ANXA13: variants seen among roughly 807,000 people sequenced by gnomAD.
ANXA13 encodes the protein annexin A13.
ANXA13 carries 36 observed loss-of-function variants against 46.6 expected under a neutral mutation model. The ratio of observed to expected loss-of-function variants is 0.77; its 90% CI spans 0.59 to 1.02. The LOEUF (loss-of-function observed/expected upper bound fraction) is 1.02, where lower values mean the gene tolerates loss of function less well. ANXA13 is among the 50% of genes least tolerant of loss of function. ANXA13 has a pLI of 0.00. For synonymous variants in ANXA13, 163 were observed against 152.9 expected (o/e 1.07, Z -0.49); for missense variants, 417 against 396.5 (o/e 1.05, Z -0.44).
chr8:123,698,826 A>T (rs1371872431), intron 3 of ANXA13, among the ~76,000 whole-genome samples: 1 of 152,230 alleles, frequency 6.6e-6, no homozygotes, highest in Non-Finnish European at 1.5e-5. Context: ...TCTGTGGAAC[A>T]TTTGAGAGCT....
At chr8:123,689,085 G>T in intron 8 of ANXA13, 139 bp from the exon 9 acceptor site, 1 of 750,118 alleles carries the variant, frequency 1.3e-6, no homozygotes, top group South Asian at 1.6e-5. Flanking sequence ...CCTGACTCTT[G>T]CCTTGTAGGA....
chr8:123,725,913 A>G (rs111877569), intron 1 of ANXA13, among the ~76,000 whole-genome samples: 2,262 of 152,254 alleles, frequency 0.015, 49 homozygotes, highest in African/African-American at 0.052. Context: ...AGCTCTGCCC[A>G]CCTTAGTAGG....
chr8:123,709,607 C>T (rs1295651814), intron 2 of ANXA13, among the ~76,000 whole-genome samples: 3 of 152,100 alleles, frequency 2.0e-5, no homozygotes, highest in Non-Finnish European at 4.4e-5. Flanking sequence ...CTTAGTGTCC[C>T]AATAATGGAA....
intron 4 of ANXA13, among the ~76,000 whole-genome samples, chr8:123,696,156 T>C (rs1813332938): frequency 1.3e-5 from 2 of 152,270 alleles, no homozygotes; most frequent in South Asian, 4.2e-4. Context: ...CAGAATTGTA[T>C]AGGTGTCATG....
At chr8:123,691,692 T>C (rs142647273) in intron 8 of ANXA13, among the ~76,000 whole-genome samples, 2 of 152,284 alleles carry the variant, frequency 1.3e-5, no homozygotes, top group East Asian at 3.9e-4. Flanking sequence ...GTAATATACA[T>C]TAAAATCACC....
At chr8:123,698,620 G>A in intron 3 of ANXA13, 61 bp from the exon 4 acceptor site, 9 of 1,547,864 alleles carry the variant, frequency 5.8e-6, no homozygotes, top group Non-Finnish European at 8.0e-6. Context: ...GCAGGTGTCT[G>A]CTTGCACTAT....
chr8:123,735,477 G>A (rs888121156), intron 1 of ANXA13, among the ~76,000 whole-genome samples: 1 of 152,198 alleles, frequency 6.6e-6, no homozygotes, highest in East Asian at 1.9e-4. Flanking sequence ...AAATGTCATA[G>A]TGGTCCTGGT....
At chr8:123,694,546 G>A (rs958928965) in intron 6 of ANXA13, among the ~76,000 whole-genome samples, 2 of 152,124 alleles carry the variant, frequency 1.3e-5, no homozygotes, top group African/African-American at 4.8e-5. Flanking sequence ...AGTAGCTTCT[G>A]GTCAACAGCA....
intron 3 of ANXA13, among the ~76,000 whole-genome samples, chr8:123,699,213 T>C (rs1813399700): frequency 6.6e-6 from 1 of 152,116 alleles, no homozygotes; most frequent in Admixed American, 6.5e-5. Flanking sequence ...ACAGGGTGAC[T>C]TTGTCACCCA....
intron 1 of ANXA13, among the ~76,000 whole-genome samples, chr8:123,729,716 T>G (rs915055454): frequency 9.9e-5 from 15 of 152,212 alleles, no homozygotes; most frequent in African/African-American, 3.6e-4. Context: ...TGTACTGAAC[T>G]GCTGAACCAA....
intron 6 of ANXA13, among the ~76,000 whole-genome samples, chr8:123,694,815 G>A (rs1328744243): frequency 6.6e-6 from 1 of 152,162 alleles, no homozygotes; most frequent in Admixed American, 6.5e-5. Context: ...AGTTTGTGGC[G>A]ATTTGTTATG....
At chr8:123,685,381 G>A (rs968961323) in intron 9 of ANXA13, among the ~76,000 whole-genome samples, 6 of 152,044 alleles carry the variant, frequency 3.9e-5, no homozygotes, top group Admixed American at 2.0e-4. Context: ...TTAATGAAGC[G>A]TGGTCTCTAT....
chr8:123,681,800 T>C (rs1813045276), intron 10 of ANXA13, among the ~76,000 whole-genome samples: 1 of 151,984 alleles, frequency 6.6e-6, no homozygotes, highest in Non-Finnish European at 1.5e-5. Context: ...TTTTTCTGTA[T>C]TTTTAGTAGA....
At chr8:123,729,837 A>G (rs1814078037) in intron 1 of ANXA13, among the ~76,000 whole-genome samples, 2 of 152,186 alleles carry the variant, frequency 1.3e-5, no homozygotes, top group African/African-American at 2.4e-5. Flanking sequence ...AACACATACT[A>G]ATTGTCCAAC....
chr8:123,726,902 A>G (rs975312945), intron 1 of ANXA13, among the ~76,000 whole-genome samples: 1 of 152,258 alleles, frequency 6.6e-6, no homozygotes, highest in Admixed American at 6.5e-5. Context: ...TGGCATTTGC[A>G]GCAACCTGGA....
intron 8 of ANXA13, among the ~76,000 whole-genome samples, chr8:123,691,946 A>G (rs1813250916): frequency 6.6e-6 from 1 of 152,212 alleles, no homozygotes; most frequent in South Asian, 2.1e-4. Flanking sequence ...GGAGGATCTC[A>G]GTCATAGAGA....
intron 1 of ANXA13, among the ~76,000 whole-genome samples, chr8:123,733,415 C>A (rs996788438): frequency 2.0e-5 from 3 of 152,144 alleles, no homozygotes; most frequent in African/African-American, 7.2e-5. Context: ...TCTCAGGAAT[C>A]TGGATCTATT....
chr8:123,730,147 C>T (rs531036376), intron 1 of ANXA13, among the ~76,000 whole-genome samples: 1 of 152,316 alleles, frequency 6.6e-6, no homozygotes, highest in South Asian at 2.1e-4. Context: ...CTCTCCAGGG[C>T]CACTGCTTCC....
chr8:123,733,516 A>G lies in ANXA13; in HGVS notation c.15+3804T>C, dbSNP rs991777637. Reference sequence around the variant, plus strand: ...GGTGTTCACCTGCCACAAGTCCCAAACTGTTCTCCACTGGAGACAATATTT... The same window carrying G: ...GGTGTTCACCTGCCACAAGTCCCAAGCTGTTCTCCACTGGAGACAATATTT... On this transcript the variant is annotated intron_variant, in intron 1 of 10. Transcript: ENST00000419625. Among the ~76,000 whole-genome samples the G allele has an allele frequency of 5.9e-5, 9 of 152,210 alleles. No individual in the cohort carries two copies. In the South Asian group the frequency reaches 8.3e-4, roughly 14 times the overall value.
Sources: allele counts gnomAD v4.1 joint callset (sites outside exome capture counted in the v4.1 genomes callset), GRCh38; gene constraint gnomAD v4.1.1; transcripts MANE v1.5; gene names NCBI Gene and HGNC (gene_info 2026-07-23, HGNC 2026-07-21).